PXMP4: variants seen among roughly 807,000 people sequenced by gnomAD.
PXMP4 encodes the protein peroxisomal membrane protein 4.
PXMP4 carries 16 observed loss-of-function variants against 21.6 expected under a neutral mutation model. The ratio of observed to expected loss-of-function variants is 0.74; its 90% CI spans 0.50 to 1.13. The LOEUF (loss-of-function observed/expected upper bound fraction) is 1.13, where lower values mean the gene tolerates loss of function less well. Among genes scored for constraint, PXMP4 ranks in the 50% most tolerant of loss-of-function variants. PXMP4 has a pLI of 0.00. For synonymous variants in PXMP4, 127 were observed against 123.8 expected, an observed-to-expected ratio of 1.03 and a Z score of -0.17; for missense variants, 240 against 277.7, an observed-to-expected ratio of 0.86 and a Z score of 0.96.
chr20:33,709,101 C>G (rs1358194446), intron 3 of PXMP4, among the ~76,000 whole-genome samples: 1 of 152,146 alleles, frequency 6.6e-6, no homozygotes, highest in Non-Finnish European at 1.5e-5. Flanking sequence ...TCAGACCCAG[C>G]CTGACCAATA....
intron 2 of PXMP4, among the ~76,000 whole-genome samples, chr20:33,711,623 C>T (rs535010517): frequency 2.0e-5 from 3 of 152,176 alleles, no homozygotes; most frequent in South Asian, 4.1e-4. Context: ...AACCCCAACA[C>T]TTTGGGAGGC....
At chr20:33,708,674 C>T (rs1388304609) in intron 3 of PXMP4, among the ~76,000 whole-genome samples, 1 of 151,874 alleles carries the variant, frequency 6.6e-6, no homozygotes. Context: ...AAAATTATGG[C>T]TAAAAAATGG....
chr20:33,710,789 G>A, intron 2 of PXMP4, 36 bp from the exon 3 acceptor site: 1 of 1,541,018 alleles, frequency 6.5e-7, no homozygotes, highest in South Asian at 1.2e-5. Context: ...ATGAGTGCAG[G>A]CTCAGCAGCC....
At position 33,720,125 on chromosome 20, in the gene PXMP4, G is replaced by A; in HGVS notation, c.83C>T (p.Ala28Val). ...LRKRRYHAAL[A>V]VLKGFRNGAV... ...CCCGTTCCGGAAGCCCTTAAGCACG[G>A]CCAACGCAGCGTGGTAGCGGCGCTT... Residue 28 changes from alanine to valine, a missense_variant, in exon 1 of 4, where the codon GCC becomes GTC. Ala to Val is a moderately conservative substitution (Grantham distance 64, BLOSUM62 0). Transcript: ENST00000409299. 2 of 1,613,700 alleles carry A rather than the reference G, an allele frequency of 1.2e-6. No individual in the cohort carries two copies. Among genetic ancestry groups the A allele is most frequent in the Non-Finnish European group, 1.7e-6 (2 of 1,179,916 alleles).
At chr20:33,715,422 G>T (rs1348909758) in intron 1 of PXMP4, among the ~76,000 whole-genome samples, 1 of 151,894 alleles carries the variant, frequency 6.6e-6, no homozygotes, top group Non-Finnish European at 1.5e-5. Context: ...CAGAGGGCTG[G>T]TTGTAATTTT....
intron 1 of PXMP4, 82 bp downstream of exon 1, chr20:33,720,013 G>T: frequency 7.6e-7 from 1 of 1,320,116 alleles, no homozygotes; most frequent in South Asian, 1.2e-5. Context: ...AAACAGCACC[G>T]CGGCATCGGA....
intron 2 of PXMP4, among the ~76,000 whole-genome samples, chr20:33,712,857 C>T (rs1464423686): frequency 6.6e-6 from 1 of 152,230 alleles, no homozygotes; most frequent in African/African-American, 2.4e-5. Context: ...TCTTGATCTC[C>T]TGACCTCGTG....
In PXMP4 at chr20:33,710,585, C is replaced by A. The variant is rs1332454850; in HGVS notation, c.345G>T (p.Val115=). ...FLAAFLGGIL[V]FGENNNINSQ... is the part of the protein sequence containing the mutation. ...TGTTGATGTTATTGTTTTCTCCAAA[C>A]ACCAGGATACCCCCGAGGAAGGCCG... Residue 115 remains valine (V), a synonymous_variant, in exon 3 of 4, where the codon GTG becomes GTT. Transcript: ENST00000409299. 6.3e-7 allele frequency: 1 copy of A among 1,595,740 alleles called. No homozygotes were observed. Among genetic ancestry groups the A allele is most frequent in the South Asian group, 1.1e-5 (1 of 90,828 alleles).
At position 33,714,716 on chromosome 20, in the gene PXMP4, G is replaced by A. The variant is rs780734895; in HGVS notation, c.134C>T (p.Ala45Val). The A allele has an allele frequency of 1.9e-6, 3 of 1,614,044 alleles. No individual in the cohort carries two copies. In the South Asian group the frequency reaches 3.3e-5, roughly 18 times the overall value. ...AAAGGTCATGACCAGCGCGTGAGGGGCCCGGATTTTGGCTCCATAGCTGTA... is the reference window on the plus strand; with the variant it reads ...AAAGGTCATGACCAGCGCGTGAGGGACCCGGATTTTGGCTCCATAGCTGTA... Reference protein sequence around the residue: ...NGAVYGAKIRAPHALVMTFLF... With the variant: ...NGAVYGAKIRVPHALVMTFLF... Residue 45 changes from alanine (A) to valine (V), a missense_variant, in exon 2 of 4, where the codon GCC becomes GTC. Transcript: ENST00000409299.
rs2018225757 is a variant in PXMP4 at position 33,703,477 on chromosome 20, T to A, written c.*4229A>T. On this transcript the variant is annotated 3_prime_UTR_variant, in exon 4 of 4. Transcript: ENST00000409299. ...ACTCTGGCTCCAAAGCCTATGTCCCTGACCACCATGCTATATTGCCTCTCA... is the reference window on the plus strand; with the variant it reads ...ACTCTGGCTCCAAAGCCTATGTCCCAGACCACCATGCTATATTGCCTCTCA... 1 of 152,290 alleles carries A rather than the reference T, an allele frequency of 6.6e-6. No individual in the cohort carries two copies. The highest frequency in any genetic ancestry group is 2.4e-5 in the African/African-American group (1 of 41,470). 9.4% of individuals were successfully genotyped at this position (152,290 alleles called of 1,614,324 possible).
At chr20:33,711,800 T>C (rs2018328757) in intron 2 of PXMP4, among the ~76,000 whole-genome samples, 1 of 152,006 alleles carries the variant, frequency 6.6e-6, no homozygotes, top group Admixed American at 6.6e-5. Flanking sequence ...CAGACCAGCC[T>C]GGGCAACATA....
chr20:33,709,197 G>C (rs1431205715), intron 3 of PXMP4, among the ~76,000 whole-genome samples: 2 of 152,164 alleles, frequency 1.3e-5, no homozygotes, highest in Non-Finnish European at 2.9e-5. Context: ...GGGAGGCTGA[G>C]ATAGGAGAAA....
intron 2 of PXMP4, among the ~76,000 whole-genome samples, chr20:33,712,247 T>G (rs1246464429): frequency 6.6e-6 from 1 of 152,162 alleles, no homozygotes; most frequent in Non-Finnish European, 1.5e-5. Flanking sequence ...TCTACCAGTT[T>G]TTAAATGTTG....
Position 33,707,902 on chromosome 20 carries a change from A to G in PXMP4, c.443T>C (p.Ile148Thr). Residue 148 changes from isoleucine (I) to threonine (T), a missense_variant, in exon 4 of 4, where the codon ATC becomes ACC. Ile to Thr is a moderately conservative substitution (Grantham distance 89). Transcript: ENST00000409299. ...LSRLAVEKGY[I>T]PEPRWDPFPL... Reference sequence around the variant, plus strand: ...GAACGGGTCCCACCTGGGTTCAGGGATGTAGCCCTTCTCTACAGCCAGGCG... The same window carrying G: ...GAACGGGTCCCACCTGGGTTCAGGGGTGTAGCCCTTCTCTACAGCCAGGCG... 2 of 1,614,172 alleles carry G rather than the reference A, an allele frequency of 1.2e-6. No homozygotes were observed. The highest frequency in any genetic ancestry group is 2.2e-5 in the South Asian group (2 of 91,088).
intron 1 of PXMP4, among the ~76,000 whole-genome samples, chr20:33,716,732 C>T (rs566412979): frequency 1.3e-5 from 2 of 152,224 alleles, no homozygotes; most frequent in East Asian, 1.9e-4. Flanking sequence ...GTTGACTGAC[C>T]GATGCCAGAA....
intron 1 of PXMP4, among the ~76,000 whole-genome samples, chr20:33,716,959 G>C (rs2018389553): frequency 6.6e-6 from 1 of 152,166 alleles, no homozygotes; most frequent in Non-Finnish European, 1.5e-5. Flanking sequence ...CAGATCATTT[G>C]AGGTCAGGAG....
rs751768544 is a variant in PXMP4, at chr20:33,720,225, G to A, written c.-18C>T. ...GCTGCCATAGTGCGGGCTGCGCGCA[G>A]GGTCGGGGTTAGGAACTGTAAGCGC... is the stretch of plus-strand genomic sequence containing the variant. On this transcript the variant is annotated 5_prime_UTR_variant, in exon 1 of 4. Coordinates refer to ENST00000409299, the MANE Select transcript of PXMP4 (RefSeq NM_007238.5). 1 of 1,599,470 alleles carries A rather than the reference G, an allele frequency of 6.3e-7. No homozygotes were observed. Among genetic ancestry groups the A allele is most frequent in the Non-Finnish European group, 8.5e-7 (1 of 1,173,040 alleles).
chr20:33,707,648 T>C lies in PXMP4; in HGVS notation c.*58A>G. 6.3e-7 allele frequency: 1 copy of C among 1,580,148 alleles called. No homozygotes were observed. The highest frequency in any genetic ancestry group is 8.6e-7 in the Non-Finnish European group (1 of 1,157,076). On this transcript the variant is annotated 3_prime_UTR_variant, in exon 4 of 4. Coordinates refer to ENST00000409299, the MANE Select transcript of PXMP4 (RefSeq NM_007238.5). ...TATGATCTTGAGAAGGCAGTATCCT[T>C]TGGGAGGGTCTGCATGGGGCCAAAT... is the stretch of plus-strand genomic sequence containing the variant.
rs1330797555 is a variant in PXMP4 at position 33,705,612 on chromosome 20, A to C, written c.*2094T>G. 1 of 152,064 alleles carries C rather than the reference A, an allele frequency of 6.6e-6. No individual in the cohort carries two copies. Among genetic ancestry groups the C allele is most frequent in the African/African-American group, 2.4e-5 (1 of 41,364 alleles). The allele number at this position is 152,064 out of a possible 1,614,324, so 9.4% of individuals were successfully genotyped here. A position where few individuals can be genotyped will look rare whatever the true frequency, so the allele number is the denominator to read the frequency against. ...AGAGCAAGACTCTGTCTCAAAAAAAAAAAAAAAAGAAAAAATCAGACTGGT... is the reference window on the plus strand; with the variant it reads ...AGAGCAAGACTCTGTCTCAAAAAAACAAAAAAAAGAAAAAATCAGACTGGT... On this transcript the variant is annotated 3_prime_UTR_variant, in exon 4 of 4. Coordinates refer to ENST00000409299, the MANE Select transcript of PXMP4 (RefSeq NM_007238.5).
Sources: allele counts gnomAD v4.1 joint callset (sites outside exome capture counted in the v4.1 genomes callset), GRCh38; gene constraint gnomAD v4.1.1; transcripts MANE v1.5; gene names NCBI Gene and HGNC (gene_info 2026-07-23, HGNC 2026-07-21).